Variants in PHIP observed in about 807,000 individuals in gnomAD.
PHIP encodes PH-interacting protein.
Under a neutral mutation model 236.8 loss-of-function variants are expected in PHIP, and 54 were observed. The ratio of observed to expected loss-of-function variants is 0.23; its 90% CI spans 0.18 to 0.29. The LOEUF is 0.29. Among genes scored for constraint, PHIP ranks in the 10% least tolerant of loss-of-function variants. PHIP has a pLI of 1.00. For missense variants in PHIP, 1,370 were observed against 2,190.8 expected (o/e 0.63, Z 7.48); for synonymous variants, 756 against 718.9 (o/e 1.05, Z -0.83).
intron 19 of PHIP, among the ~76,000 whole-genome samples, chr6:78,993,312 G>C (rs568975888): frequency 6.6e-6 from 1 of 152,224 alleles, no homozygotes; most frequent in South Asian, 2.1e-4. Context: ...AATTTATCCA[G>C]AATAACTAGC....
At chr6:78,990,510 A>AAG (rs1432315292) in intron 20 of PHIP, among the ~76,000 whole-genome samples, 1 of 152,168 alleles carries the variant, frequency 6.6e-6, no homozygotes, top group African/African-American at 2.4e-5. Context: ...GAATAGATGC[A>AAG]AGACACCACA....
At chr6:78,962,110 T>C (rs1766821088) in intron 30 of PHIP, among the ~76,000 whole-genome samples, 1 of 152,176 alleles carries the variant, frequency 6.6e-6, no homozygotes, top group African/African-American at 2.4e-5. Context: ...AATTGACAGT[T>C]GGCCATTCCT....
intron 24 of PHIP, among the ~76,000 whole-genome samples, chr6:78,973,194 C>T (rs904054567): frequency 9.2e-5 from 14 of 152,066 alleles, no homozygotes; most frequent in Non-Finnish European, 1.3e-4. Flanking sequence ...AGAAACTCTA[C>T]AAGCCAGAAG....
chr6:78,967,579 G>A (rs1767225084), intron 27 of PHIP, among the ~76,000 whole-genome samples: 1 of 152,214 alleles, frequency 6.6e-6, no homozygotes, highest in Non-Finnish European at 1.5e-5. Context: ...TTAAATGGCA[G>A]TCGGTGGGTG....
intron 19 of PHIP, among the ~76,000 whole-genome samples, chr6:78,996,167 G>A (rs867705046): frequency 3.9e-5 from 6 of 152,164 alleles, no homozygotes; most frequent in Admixed American, 1.3e-4. Context: ...TGCTCTGGAA[G>A]AAAAACCCAG....
At chr6:78,998,536 T>TAAA in intron 17 of PHIP, 145 bp from the exon 18 acceptor site, 2 of 477,014 alleles carry the variant, frequency 4.2e-6, no homozygotes, top group South Asian at 6.5e-5. Context: ...TGATGGGAGT[T>TAAA]AAAAAAAAAA....
rs139563681 is a variant in PHIP, at chr6:78,956,639, A to T, written c.3783-957T>A. On this transcript the variant is annotated intron_variant, in intron 32 of 39. Transcript: ENST00000275034. ...ATCTCTACTGTGACTTCTCCAATTT[A>T]TATTACCCTTAATTAAAACTTCCTA... 10 of 152,182 alleles carry T rather than the reference A, an allele frequency of 6.6e-5. No individual in the cohort carries two copies. The East Asian group carries it at 1.9e-3, about 29-fold the overall frequency. The allele number at this position is 152,182 out of a possible 1,614,324, so 9.4% of individuals were successfully genotyped here. A position where few individuals can be genotyped will look rare whatever the true frequency, so the allele number is the denominator to read the frequency against.
In PHIP at chr6:79,019,159, G is replaced by A. The variant is rs1392980900; in HGVS notation, c.924C>T (p.Asn308=). ...GCTCTGTAAATTTTGCAGGTCTTGG[G>A]CTGTAATACAAAAAATAAAGAATTA... The part of the protein sequence containing the change: ...WLWDAGTLKI[N]PRPAKFTERP... The change falls in exon 10 of 40, where the codon AAC becomes AAT. Residue 308 remains asparagine, a splice_region_variant and synonymous_variant. Coordinates refer to ENST00000275034, the MANE Select transcript of PHIP (RefSeq NM_017934.7). The A allele has an allele frequency of 3.7e-6, 6 of 1,605,476 alleles. No individual in the cohort carries two copies. The African/African-American group carries it at 5.4e-5, about 14-fold the overall frequency.
chr6:79,072,871 T>C (rs1384379621), intron 4 of PHIP, among the ~76,000 whole-genome samples: 1 of 152,180 alleles, frequency 6.6e-6, no homozygotes, highest in Non-Finnish European at 1.5e-5. Context: ...TAAAGAAAAC[T>C]TTATTATAAA....
chr6:78,956,974 A>G (rs2127693239), intron 32 of PHIP: 1 of 152,212 alleles, frequency 6.6e-6, no homozygotes, highest in Non-Finnish European at 1.5e-5. Context: ...TAACTCAATT[A>G]AAAAGTATAA....
intron 9 of PHIP, among the ~76,000 whole-genome samples, chr6:79,021,208 G>A (rs1474967701): frequency 6.6e-6 from 1 of 151,180 alleles, no homozygotes; most frequent in Non-Finnish European, 1.5e-5. Flanking sequence ...ATGCAGTGAC[G>A]CTATCTCAGC....
At chr6:79,012,093 T>A (rs1770607962) in intron 15 of PHIP, among the ~76,000 whole-genome samples, 1 of 151,666 alleles carries the variant, frequency 6.6e-6, no homozygotes, top group Admixed American at 6.6e-5. Flanking sequence ...AAAAAAAGAA[T>A]TTACATTTCC....
At chr6:79,074,019 T>C (rs995637498) in intron 4 of PHIP, among the ~76,000 whole-genome samples, 1 of 152,160 alleles carries the variant, frequency 6.6e-6, no homozygotes, top group African/African-American at 2.4e-5. Context: ...TCAAATGAGA[T>C]AACTGGGACA....
intron 6 of PHIP, among the ~76,000 whole-genome samples, chr6:79,053,143 GTC>G (rs1156977651): frequency 6.6e-6 from 1 of 151,834 alleles, no homozygotes; most frequent in Non-Finnish European, 1.5e-5. Flanking sequence ...GTGAAACCCC[GTC>G]TCTACTAAAA....
At chr6:78,944,053 T>C (rs1773666021) in intron 39 of PHIP, among the ~76,000 whole-genome samples, 2 of 146,538 alleles carry the variant, frequency 1.4e-5, no homozygotes, top group Admixed American at 6.8e-5. Context: ...AGGAGAAGAC[T>C]TCCTAAAGAA....
chr6:79,003,748 G>A lies in PHIP; in HGVS notation c.1635C>T (p.Ser545=), dbSNP rs544285958. Residue 545 remains serine, a synonymous_variant, in exon 16 of 40, where the codon TCC becomes TCT. Coordinates refer to ENST00000275034, the MANE Select transcript of PHIP (RefSeq NM_017934.7). ...HGHLLIFGFG[S]SSKYDKIADQ... Reference sequence around the variant, plus strand: ...ACTCTACCTTGTCATATTTGCTACTGGACCCAAAGCCAAAAATTAAAAGAT... The same window carrying A: ...ACTCTACCTTGTCATATTTGCTACTAGACCCAAAGCCAAAAATTAAAAGAT... 1.2e-6 allele frequency: 2 copies of A among 1,605,782 alleles called. No individual in the cohort carries two copies. The highest frequency in any genetic ancestry group is 1.7e-4 in the Middle Eastern group (1 of 6,036).
At chr6:79,048,224 A>G (rs548483136) in intron 6 of PHIP, among the ~76,000 whole-genome samples, 61 of 152,174 alleles carry the variant, frequency 4.0e-4, no homozygotes, top group African/African-American at 9.9e-4. Flanking sequence ...TTACTACCAA[A>G]CTGACATCTT....
chr6:78,970,705 G>C, intron 25 of PHIP, 76 bp downstream of exon 25: 1 of 920,806 alleles, frequency 1.1e-6, no homozygotes, highest in Non-Finnish European at 1.7e-6. Flanking sequence ...TGTGTTAATA[G>C]TAACCTTTGA....
intron 25 of PHIP, 99 bp downstream of exon 25, chr6:78,970,682 T>C (rs1425387809): frequency 1.4e-6 from 1 of 721,040 alleles, no homozygotes; most frequent in East Asian, 2.7e-5. Context: ...ATCTTCATGA[T>C]GCAGTTTCTT....
Sources: allele counts gnomAD v4.1 joint callset (sites outside exome capture counted in the v4.1 genomes callset), GRCh38; gene constraint gnomAD v4.1.1; transcripts MANE v1.5; gene names NCBI Gene and HGNC (gene_info 2026-07-23, HGNC 2026-07-21).